The following CNTNAP2 variants were observed in gnomAD, a reference collection of about 807,000 sequenced individuals.
The protein encoded by CNTNAP2 is contactin associated protein 2, also known as contactin-associated protein-like 2.
CNTNAP2 carries 98 observed loss-of-function variants against 155.2 expected under a neutral mutation model. The ratio of observed to expected loss-of-function variants is 0.63; its 90% confidence interval spans 0.54 to 0.75. CNTNAP2 has a LOEUF of 0.75. CNTNAP2 is among the 30% of genes least tolerant of loss of function. The pLI is 0.00. For missense variants in CNTNAP2, 1,727 were observed against 1,688.1 expected (o/e 1.02, Z -0.40); for synonymous variants, 651 against 631.2 (o/e 1.03, Z -0.47).
chr7:148,121,365 CA>C (rs1425027207), intron 16 of CNTNAP2, among the ~76,000 whole-genome samples: 1 of 152,168 alleles, frequency 6.6e-6, no homozygotes. Context: ...GACACTTCGC[CA>C]TCAGGATTCC....
At chr7:146,556,614 C>A (rs1584980181) in intron 1 of CNTNAP2, among the ~76,000 whole-genome samples, 1 of 152,196 alleles carries the variant, frequency 6.6e-6, no homozygotes, top group East Asian at 1.9e-4. Context: ...TTAAGAAGAT[C>A]CAGTGAGAAA....
At chr7:147,838,317 C>G (rs935271269) in intron 13 of CNTNAP2, among the ~76,000 whole-genome samples, 3 of 152,178 alleles carry the variant, frequency 2.0e-5, no homozygotes, top group African/African-American at 7.2e-5. Context: ...AGACATTTTC[C>G]CCATAGTCTT....
intron 18 of CNTNAP2, among the ~76,000 whole-genome samples, chr7:148,195,725 A>T (rs1307567396): frequency 6.6e-6 from 1 of 152,234 alleles, no homozygotes; most frequent in Non-Finnish European, 1.5e-5. Flanking sequence ...CAAATAATTC[A>T]AGTCAGAATT....
chr7:147,674,292 T>TAAACTGCC (rs1795833900), intron 13 of CNTNAP2, among the ~76,000 whole-genome samples: 1 of 152,162 alleles, frequency 6.6e-6, no homozygotes, highest in Non-Finnish European at 1.5e-5. Context: ...GAATGCCAAA[T>TAAACTGCC]AAAAGTCTTT....
intron 13 of CNTNAP2, among the ~76,000 whole-genome samples, chr7:147,748,218 C>T (rs1256791010): frequency 6.6e-6 from 1 of 152,118 alleles, no homozygotes; most frequent in Admixed American, 6.6e-5. Flanking sequence ...AAGAAAGATT[C>T]ATGGGTTAAG....
At chr7:147,203,980 A>C (rs1442716024) in intron 8 of CNTNAP2, among the ~76,000 whole-genome samples, 1 of 152,104 alleles carries the variant, frequency 6.6e-6, no homozygotes, top group African/African-American at 2.4e-5. Flanking sequence ...GAAGGACGTA[A>C]GATAGCTTAG....
intron 21 of CNTNAP2, among the ~76,000 whole-genome samples, chr7:148,280,923 AAAAAAG>A (rs1037839405): frequency 2.0e-5 from 3 of 151,824 alleles, no homozygotes; most frequent in African/African-American, 4.8e-5. Context: ...CATCTCAAAA[AAAAAAG>A]AAAAAAGAAA....
At position 147,562,161 on chromosome 7, in the gene CNTNAP2, G is replaced by A. The variant is rs1430942248; in HGVS notation, c.1801G>A (p.Ala601Thr). The change falls in exon 12 of 24, where the codon GCC (alanine) becomes ACC (threonine). Residue 601 changes from alanine (A) to threonine (T), a missense_variant. By Grantham distance (58) the Ala-to-Thr change is moderately conservative. Transcript: ENST00000361727. The part of the protein sequence containing the change: ...HNSIYEPSCE[A>T]YKHLGQTSNY... ...AGCTATCTACGAGCCTTCCTGTGAA[G>A]CCTACAAACACCTAGGACAGACATC... 6.2e-7 allele frequency: 1 copy of A among 1,613,994 alleles called. No homozygotes were observed. Among genetic ancestry groups the A allele is most frequent in the African/African-American group, 1.3e-5 (1 of 75,040 alleles).
At chr7:146,204,686 T>C (rs1798919593) in intron 1 of CNTNAP2, among the ~76,000 whole-genome samples, 1 of 152,030 alleles carries the variant, frequency 6.6e-6, no homozygotes, top group South Asian at 2.1e-4. Context: ...AGTTAAAACA[T>C]CTTAGATATT....
chr7:146,869,785 C>T (rs952340976), intron 3 of CNTNAP2, among the ~76,000 whole-genome samples: 6 of 152,026 alleles, frequency 3.9e-5, no homozygotes, highest in Non-Finnish European at 5.9e-5. Flanking sequence ...CTTCTTCCAC[C>T]GTCTTCTGCC....
At chr7:147,072,938 C>T (rs1171086302) in intron 4 of CNTNAP2, among the ~76,000 whole-genome samples, 1 of 144,928 alleles carries the variant, frequency 6.9e-6, no homozygotes, top group Admixed American at 6.9e-5. Flanking sequence ...CTGCAAGCTC[C>T]ACCTCCTGGG....
At chr7:146,183,836 A>G (rs1798584633) in intron 1 of CNTNAP2, among the ~76,000 whole-genome samples, 1 of 152,088 alleles carries the variant, frequency 6.6e-6, no homozygotes, top group East Asian at 1.9e-4. Context: ...GCTCTCTGAA[A>G]TATCCTCCCT....
At chr7:148,363,563 G>C (rs896634746) in intron 21 of CNTNAP2, among the ~76,000 whole-genome samples, 10 of 152,216 alleles carry the variant, frequency 6.6e-5, no homozygotes, top group Non-Finnish European at 1.2e-4. Flanking sequence ...AGGAACCTCT[G>C]TACGTGTGTT....
At chr7:146,959,144 C>T (rs1170941468) in intron 3 of CNTNAP2, among the ~76,000 whole-genome samples, 1 of 151,914 alleles carries the variant, frequency 6.6e-6, no homozygotes, top group African/African-American at 2.4e-5. Context: ...CTCAGCCTGC[C>T]GAGTAACTGG....
chr7:147,577,835 C>T (rs1306489665), intron 12 of CNTNAP2, among the ~76,000 whole-genome samples: 3 of 152,026 alleles, frequency 2.0e-5, no homozygotes. Flanking sequence ...CTCTTGGTAT[C>T]GTGTTGGTGT....
At chr7:148,148,459 T>A (rs1197982626) in intron 17 of CNTNAP2, among the ~76,000 whole-genome samples, 1 of 152,236 alleles carries the variant, frequency 6.6e-6, no homozygotes, top group Non-Finnish European at 1.5e-5. Context: ...CTCTGTTGAA[T>A]GAAATAAAGA....
chr7:148,009,315 G>T (rs1454395421), intron 15 of CNTNAP2, among the ~76,000 whole-genome samples: 1 of 152,096 alleles, frequency 6.6e-6, no homozygotes, highest in East Asian at 1.9e-4. Flanking sequence ...AAACAAAATG[G>T]TTGTACAGGT....
At chr7:146,625,899 C>A (rs1484477044) in intron 1 of CNTNAP2, among the ~76,000 whole-genome samples, 1 of 152,040 alleles carries the variant, frequency 6.6e-6, no homozygotes, top group African/African-American at 2.4e-5. Context: ...TGTAAAAGAA[C>A]CCTATCTTAT....
chr7:146,920,872 G>A lies in CNTNAP2; in HGVS notation c.402+80968G>A, dbSNP rs187676099. 5.3e-5 allele frequency among the ~76,000 whole-genome samples: 8 copies of A among 152,232 alleles called. No individual in the cohort carries two copies. In the East Asian group the frequency reaches 1.4e-3, roughly 26 times the overall value. On this transcript the variant is annotated intron_variant, in intron 3 of 23. Coordinates refer to ENST00000361727, the MANE Select transcript of CNTNAP2 (RefSeq NM_014141.6). ...AAAAGTGACATAAATGCCAGCTGCT[G>A]CAGCTCAGAGCAAAGAAAACAGATA...
Sources: gnomAD v4.1 joint callset for allele counts (sites outside exome capture counted in the v4.1 genomes callset) on GRCh38, gnomAD v4.1.1 for gene constraint, MANE v1.5 for transcripts, NCBI Gene and HGNC (gene_info 2026-07-23, HGNC 2026-07-21) for gene names.